The following KAZN variants were observed in gnomAD, a reference collection of about 807,000 sequenced individuals.
The protein encoded by KAZN is kazrin, periplakin interacting protein, also known as kazrin.
A neutral mutation model predicts 87.4 loss-of-function variants in KAZN; 40 were observed. That is an observed-to-expected ratio of 0.46 (90% CI 0.36 to 0.60). The LOEUF is 0.60. Among genes scored for constraint, KAZN ranks in the 20% least tolerant of loss-of-function variants. KAZN has a pLI of 0.00. For synonymous variants in KAZN, 466 were observed against 458.3 expected (o/e 1.02, Z -0.22); for missense variants, 898 against 1,073.9 (o/e 0.84, Z 2.29).
intron 2 of KAZN, among the ~76,000 whole-genome samples, chr1:14,403,042 G>T (rs534849149): frequency 6.6e-6 from 1 of 152,206 alleles, no homozygotes; most frequent in East Asian, 1.9e-4. Flanking sequence ...GGTCAGGCTG[G>T]TCTTGAACTC....
intron 2 of KAZN, among the ~76,000 whole-genome samples, chr1:15,024,885 G>A (rs887312617): frequency 1.2e-4 from 18 of 152,270 alleles, no homozygotes; most frequent in South Asian, 2.1e-4. Flanking sequence ...GGCCAGCTCC[G>A]AGATCACCAG....
intron 1 of KAZN, among the ~76,000 whole-genome samples, chr1:14,782,673 A>C (rs1645393712): frequency 6.6e-6 from 1 of 152,188 alleles, no homozygotes; most frequent in Non-Finnish European, 1.5e-5. Flanking sequence ...TAAAAGCAAT[A>C]ATAAATATAC....
intron 1 of KAZN, among the ~76,000 whole-genome samples, chr1:14,892,523 A>G (rs1298237248): frequency 6.6e-6 from 1 of 151,474 alleles, no homozygotes; most frequent in East Asian, 2.0e-4. Context: ...CCCTCCCCTG[A>G]CAGCCCATGG....
intron 1 of KAZN, among the ~76,000 whole-genome samples, chr1:13,990,442 T>C (rs1188589307): frequency 1.3e-5 from 2 of 151,968 alleles, no homozygotes; most frequent in Non-Finnish European, 2.9e-5. Flanking sequence ...ATATACTGTA[T>C]AACTTTCCAT....
chr1:14,584,867 T>C (rs1675760750), intron 2 of KAZN, among the ~76,000 whole-genome samples: 1 of 152,154 alleles, frequency 6.6e-6, no homozygotes, highest in South Asian at 2.1e-4. Flanking sequence ...GGTCTCAAAC[T>C]CCCGACCTCT....
chr1:14,103,998 A>G (rs1370611842), intron 1 of KAZN, among the ~76,000 whole-genome samples: 1 of 152,164 alleles, frequency 6.6e-6, no homozygotes, highest in African/African-American at 2.4e-5. Flanking sequence ...CGACATTATA[A>G]TGTAGATTTT....
intron 1 of KAZN, among the ~76,000 whole-genome samples, chr1:13,894,447 A>G (rs2744647): frequency 0.87 from 132,716 of 152,134 alleles, 58,273 homozygotes; most frequent in African/African-American, 0.97. Flanking sequence ...AATAGTCACC[A>G]TGCTCAAACT....
intron 1 of KAZN, among the ~76,000 whole-genome samples, chr1:14,863,825 G>A (rs1203857973): frequency 6.6e-6 from 1 of 152,140 alleles, no homozygotes; most frequent in Non-Finnish European, 1.5e-5. Flanking sequence ...GGGGCACAGA[G>A]GCATTTCAGG....
In KAZN at chr1:14,407,699, T is replaced by C. The variant is rs138478541; in HGVS notation, c.250-191284T>C. ...CTAGCGTAGAGTGTTGTATAAACTGTTATCATGCATATAGTAAGTTCTTAA... is the reference window on the plus strand; with the variant it reads ...CTAGCGTAGAGTGTTGTATAAACTGCTATCATGCATATAGTAAGTTCTTAA... On this transcript the variant is annotated intron_variant, in intron 2 of 16. Transcript: ENST00000636203. Among the ~76,000 whole-genome samples the C allele has an allele frequency of 3.9e-5, 6 of 152,242 alleles. No individual in the cohort carries two copies. In the East Asian group the frequency reaches 9.7e-4, roughly 25 times the overall value.
intron 1 of KAZN, among the ~76,000 whole-genome samples, chr1:14,730,560 C>T (rs1643633003): frequency 6.6e-6 from 1 of 152,126 alleles, no homozygotes; most frequent in Non-Finnish European, 1.5e-5. Context: ...AATCTGCCTT[C>T]TGTCACCCAG....
intron 2 of KAZN, among the ~76,000 whole-genome samples, chr1:14,263,455 C>T (rs1037750920): frequency 5.3e-5 from 8 of 152,184 alleles, no homozygotes; most frequent in African/African-American, 1.9e-4. Context: ...GCTGAGCTTG[C>T]TGATGGTTGA....
chr1:13,994,182 C>T (rs927235071), intron 1 of KAZN, among the ~76,000 whole-genome samples: 12 of 152,166 alleles, frequency 7.9e-5, no homozygotes, highest in Admixed American at 7.9e-4. Flanking sequence ...AGCTCTGACC[C>T]AGGGCATGGC....
At chr1:14,135,689 G>T in intron 1 of KAZN, among the ~76,000 whole-genome samples, 1 of 152,270 alleles carries the variant, frequency 6.6e-6, no homozygotes, top group East Asian at 1.9e-4. Flanking sequence ...TAGACCACTT[G>T]AACATTTTCT....
chr1:14,204,737 T>A (rs1262458966), intron 2 of KAZN, among the ~76,000 whole-genome samples: 2 of 152,260 alleles, frequency 1.3e-5, no homozygotes, highest in African/African-American at 4.8e-5. Flanking sequence ...CATGGACTAA[T>A]TTCTGCCCAG....
intron 2 of KAZN, among the ~76,000 whole-genome samples, chr1:14,583,605 G>A (rs1675680872): frequency 6.6e-6 from 1 of 152,206 alleles, no homozygotes; most frequent in South Asian, 2.1e-4. Flanking sequence ...CTGGTTCCTG[G>A]GTGGGAGCAT....
intron 1 of KAZN, among the ~76,000 whole-genome samples, chr1:14,783,062 AAG>A (rs1301350590): frequency 2.0e-5 from 3 of 152,078 alleles, no homozygotes; most frequent in Middle Eastern, 3.2e-3. Flanking sequence ...GCATGAAAAA[AAG>A]AGAAAATTGC....
At chr1:14,854,256 A>T (rs1466830062) in intron 1 of KAZN, among the ~76,000 whole-genome samples, 1 of 152,214 alleles carries the variant, frequency 6.6e-6, no homozygotes, top group Non-Finnish European at 1.5e-5. Flanking sequence ...GAGTGCTTCC[A>T]GCTACCATAG....
chr1:14,884,531 C>T (rs1474939066), intron 1 of KAZN, among the ~76,000 whole-genome samples: 2 of 152,176 alleles, frequency 1.3e-5, no homozygotes, highest in Non-Finnish European at 1.5e-5. Context: ...AATATATGTA[C>T]TCTTAAGTTC....
intron 2 of KAZN, among the ~76,000 whole-genome samples, chr1:14,476,245 T>A (rs750143530): frequency 3.3e-5 from 5 of 152,252 alleles, no homozygotes; most frequent in Non-Finnish European, 5.9e-5. Flanking sequence ...TGTTTATTCA[T>A]TCTCCTCCCT....
Sources: gnomAD v4.1 joint callset for allele counts (sites outside exome capture counted in the v4.1 genomes callset) on GRCh38, gnomAD v4.1.1 for gene constraint, MANE v1.5 for transcripts, NCBI Gene and HGNC (gene_info 2026-07-23, HGNC 2026-07-21) for gene names.